NFATC1: variants seen among roughly 807,000 people sequenced by gnomAD.
NFATC1 encodes nuclear factor of activated T-cells, cytoplasmic 1.
In NFATC1, 22 loss-of-function variants were observed where a neutral mutation model predicts 76.0. That is an observed-to-expected ratio of 0.29 (90% CI 0.21 to 0.41). NFATC1 has a LOEUF of 0.41. Ranked by LOEUF, NFATC1 falls within the 10% of genes least tolerant of loss-of-function variation. The pLI, the probability that NFATC1 is intolerant of heterozygous loss-of-function variation, is 1.00. For missense variants in NFATC1, 1,357 were observed against 1,337.7 expected (o/e 1.01, Z -0.23); for synonymous variants, 704 against 613.1 (o/e 1.15, Z -2.19).
intron 2 of NFATC1, among the ~76,000 whole-genome samples, chr18:79,424,614 T>C (rs2086220715): frequency 6.6e-6 from 1 of 151,730 alleles, no homozygotes; most frequent in African/African-American, 2.4e-5. Context: ...TCTCCGTCTG[T>C]CTCTCTGTCT....
chr18:79,446,587 T>C (rs1448640802), intron 3 of NFATC1, among the ~76,000 whole-genome samples: 2 of 152,204 alleles, frequency 1.3e-5, no homozygotes, highest in African/African-American at 4.8e-5. Context: ...GGAAGTTCAT[T>C]AACTTGGCAA....
At chr18:79,521,893 C>T (rs1601007983) in intron 9 of NFATC1, among the ~76,000 whole-genome samples, 1 of 94,594 alleles carries the variant, frequency 1.1e-5, no homozygotes, top group Non-Finnish European at 2.0e-5. Context: ...GGGGGGCATC[C>T]ACTGATGTGT....
Position 79,396,004 on chromosome 18 carries a change from G to A in NFATC1, c.-221G>A, listed in dbSNP as rs1159738958. 6.7e-6 allele frequency: 2 copies of A among 299,156 alleles called. No individual in the cohort carries two copies. The highest frequency in any genetic ancestry group is 2.2e-5 in the African/African-American group (1 of 44,772). 18.5% of individuals were successfully genotyped at this position (299,156 alleles called of 1,614,324 possible). On this transcript the variant is annotated 5_prime_UTR_variant, in exon 1 of 10. Transcript: ENST00000427363. ...GCCAGATCCCAGCAGCAGGGCGCGG[G>A]CACCGGGGCGCGGGCAGGGCTCGGA... is the stretch of plus-strand genomic sequence containing the variant.
intron 1 of NFATC1, chr18:79,400,458 G>A (rs2085163289): frequency 4.7e-6 from 7 of 1,489,814 alleles, no homozygotes; most frequent in East Asian, 3.0e-5. Context: ...GCGCGACGAG[G>A]GCGCCGCCGC....
chr18:79,512,664 G>C (rs544218668), intron 9 of NFATC1, among the ~76,000 whole-genome samples: 58 of 152,346 alleles, frequency 3.8e-4, no homozygotes, highest in African/African-American at 1.3e-3. Context: ...CCCGTTTGCT[G>C]AGCCGTGGTC....
intron 8 of NFATC1, among the ~76,000 whole-genome samples, chr18:79,475,636 C>T (rs1004457798): frequency 5.9e-5 from 9 of 152,180 alleles, no homozygotes; most frequent in Non-Finnish European, 1.0e-4. Flanking sequence ...CGTGTTCTCA[C>T]GCTCACTGTC....
intron 9 of NFATC1, among the ~76,000 whole-genome samples, chr18:79,513,641 C>T (rs1667701): frequency 6.6e-6 from 1 of 151,724 alleles, no homozygotes; most frequent in Non-Finnish European, 1.5e-5. Context: ...AGGCGAGTGT[C>T]CCTGGGGCAT....
At chr18:79,470,104 G>A in intron 8 of NFATC1, 1 of 612,040 alleles carries the variant, frequency 1.6e-6, no homozygotes, top group Non-Finnish European at 2.0e-6. Flanking sequence ...GGCCGCTCCA[G>A]GACCTGCGTC....
intron 7 of NFATC1, among the ~76,000 whole-genome samples, chr18:79,464,706 A>ATTTTTTTT (rs200598018): frequency 3.7e-5 from 3 of 81,716 alleles, no homozygotes; most frequent in African/African-American, 1.2e-4. Flanking sequence ...TTATTTATTT[A>ATTTTTTTT]TTTATTTTTT....
At chr18:79,397,024 G>C (rs2085030137) in intron 1 of NFATC1, among the ~76,000 whole-genome samples, 1 of 152,212 alleles carries the variant, frequency 6.6e-6, no homozygotes, top group Non-Finnish European at 1.5e-5. Flanking sequence ...CAAGTTTCGA[G>C]CTGCTTCTTT....
intron 2 of NFATC1, among the ~76,000 whole-genome samples, chr18:79,430,274 G>A (rs934424383): frequency 6.6e-6 from 1 of 152,104 alleles, no homozygotes; most frequent in South Asian, 2.1e-4. Flanking sequence ...GGGGGGAGGC[G>A]GCTTTTCTTT....
chr18:79,476,159 G>A (rs961549761), intron 8 of NFATC1, among the ~76,000 whole-genome samples: 1 of 152,250 alleles, frequency 6.6e-6, no homozygotes, highest in African/African-American at 2.4e-5. Flanking sequence ...TGCGCTCTGG[G>A]ACATGCGTGG....
chr18:79,448,606 A>G lies in NFATC1; in HGVS notation c.1387-176A>G. 6.1e-6 allele frequency: 4 copies of G among 653,436 alleles called. No individual in the cohort carries two copies. In the East Asian group the frequency reaches 1.1e-4, roughly 18 times the overall value. The allele number at this position is 653,436 out of a possible 1,614,324, so 40.5% of individuals were successfully genotyped here. ...CAGTGCCCAGGTCCATTGGGATAACAAGGCATTTTCTAATCTGATTTACAA... is the reference window on the plus strand; with the variant it reads ...CAGTGCCCAGGTCCATTGGGATAACGAGGCATTTTCTAATCTGATTTACAA... On this transcript the variant is annotated intron_variant, in intron 3 of 9. Transcript: ENST00000427363.
At chr18:79,424,458 G>C (rs183100811) in intron 2 of NFATC1, among the ~76,000 whole-genome samples, 8 of 151,426 alleles carry the variant, frequency 5.3e-5, no homozygotes, top group Admixed American at 2.0e-4. Flanking sequence ...GGAGAAATGC[G>C]CTGATCGTCT....
intron 9 of NFATC1, among the ~76,000 whole-genome samples, chr18:79,521,799 G>C (rs1426110630): frequency 8.1e-4 from 1 of 1,236 alleles, no homozygotes; most frequent in African/African-American, 2.7e-3. Context: ...ATGTGTATGT[G>C]TGTGGGGGGG....
At chr18:79,458,106 T>C (rs2087835313) in intron 6 of NFATC1, among the ~76,000 whole-genome samples, 2 of 152,200 alleles carry the variant, frequency 1.3e-5, no homozygotes, top group Admixed American at 6.5e-5. Context: ...GTGAAAGGGC[T>C]GTGGGTCACA....
chr18:79,504,135 A>G (rs1352676664), intron 9 of NFATC1, among the ~76,000 whole-genome samples: 1 of 152,078 alleles, frequency 6.6e-6, no homozygotes, highest in African/African-American at 2.4e-5. Context: ...GTTGTTCACT[A>G]GGGCAGCGGT....
At chr18:79,420,077 G>A (rs140379713) in intron 2 of NFATC1, among the ~76,000 whole-genome samples, 356 of 152,356 alleles carry the variant, frequency 2.3e-3, no homozygotes, top group Non-Finnish European at 4.1e-3. Context: ...CACCTCCCAA[G>A]GTTTCCCATG....
Position 79,411,017 on chromosome 18 carries a change from G to A in NFATC1, c.742G>A (p.Glu248Lys), listed in dbSNP as rs1445314737. 1.2e-6 allele frequency: 2 copies of A among 1,611,600 alleles called. No homozygotes were observed. Among genetic ancestry groups the A allele is most frequent in the Non-Finnish European group, 1.7e-6 (2 of 1,179,510 alleles). The change falls in exon 2 of 10, where the codon GAG becomes AAG. Residue 248 changes from glutamate to lysine, a missense_variant. Glu to Lys is a moderately conservative substitution (Grantham distance 56). Coordinates refer to ENST00000427363, the MANE Select transcript of NFATC1 (RefSeq NM_001278669.2). ...CACCTCGCCCCGCGCCAGCGTCACT[G>A]AGGAGAGCTGGCTGGGTGCCCGCTC... Reference protein sequence around the residue: ...PSTSPRASVTEESWLGARSSR... With the variant: ...PSTSPRASVTKESWLGARSSR...
Sources: gnomAD v4.1 joint callset for allele counts (sites outside exome capture counted in the v4.1 genomes callset) on GRCh38, gnomAD v4.1.1 for gene constraint, MANE v1.5 for transcripts, NCBI Gene and HGNC (gene_info 2026-07-23, HGNC 2026-07-21) for gene names.